The following WWOX variants were observed in gnomAD, a reference collection of about 807,000 sequenced individuals.
The protein encoded by WWOX is WW domain-containing oxidoreductase.
A neutral mutation model predicts 46.2 loss-of-function variants in WWOX; 69 were observed. That is an observed-to-expected ratio of 1.49 (90% CI 1.23 to 1.82). The LOEUF is 1.82. Ranked by LOEUF, WWOX falls within the 40% of genes most tolerant of loss-of-function variation. The pLI, the probability that WWOX is intolerant of heterozygous loss-of-function variation, is 0.00. For missense variants in WWOX, 919 were observed against 542.6 expected (o/e 1.69, Z -6.89); for synonymous variants, 359 against 202.6 (o/e 1.77, Z -6.56).
chr16:78,788,120 C>T (rs532866411), intron 8 of WWOX, among the ~76,000 whole-genome samples: 10 of 152,184 alleles, frequency 6.6e-5, no homozygotes, highest in African/African-American at 2.4e-4. Context: ...TTTATAGTGT[C>T]TTTTGATGAA....
At chr16:78,487,300 GT>G (rs2151456401) in intron 8 of WWOX, among the ~76,000 whole-genome samples, 1 of 151,920 alleles carries the variant, frequency 6.6e-6, no homozygotes, top group East Asian at 1.9e-4. Context: ...CAGAGATTTG[GT>G]TATTTTCCTC....
At chr16:78,985,255 T>G (rs2046762063) in intron 8 of WWOX, among the ~76,000 whole-genome samples, 1 of 152,350 alleles carries the variant, frequency 6.6e-6, no homozygotes, top group Admixed American at 6.5e-5. Context: ...GCACAAACGC[T>G]GTCTTCTGTC....
chr16:78,871,649 G>C (rs2044131127), intron 8 of WWOX, among the ~76,000 whole-genome samples: 1 of 152,188 alleles, frequency 6.6e-6, no homozygotes, highest in Non-Finnish European at 1.5e-5. Context: ...GCTCAGGCTG[G>C]AGTGCAGTAG....
At chr16:78,632,213 G>A (rs987131192) in intron 8 of WWOX, among the ~76,000 whole-genome samples, 1 of 152,114 alleles carries the variant, frequency 6.6e-6, no homozygotes, top group Non-Finnish European at 1.5e-5. Flanking sequence ...TTTCTGAGCT[G>A]TTTTTATATC....
chr16:78,905,615 A>G (rs1045728396), intron 8 of WWOX, among the ~76,000 whole-genome samples: 3 of 152,138 alleles, frequency 2.0e-5, no homozygotes, highest in Admixed American at 1.3e-4. Context: ...TCCGAGATGC[A>G]CGTGAATCTC....
chr16:78,471,376 G>A (rs1408822201), intron 8 of WWOX, among the ~76,000 whole-genome samples: 2 of 152,226 alleles, frequency 1.3e-5, no homozygotes, highest in East Asian at 3.9e-4. Flanking sequence ...CATTTGTCTG[G>A]TGGAATGTTT....
intron 8 of WWOX, chr16:78,890,584 C>G (rs2044568512): frequency 6.6e-6 from 1 of 152,128 alleles, no homozygotes; most frequent in Admixed American, 6.5e-5. Context: ...TCTCTTTTTG[C>G]CAGGGGAACA....
chr16:79,055,229 T>C (rs2048239627), intron 8 of WWOX, among the ~76,000 whole-genome samples: 1 of 152,160 alleles, frequency 6.6e-6, no homozygotes, highest in South Asian at 2.1e-4. Flanking sequence ...GTTATTTTGG[T>C]TTATATTGCT....
At chr16:79,183,200 C>A (rs1414540329) in intron 8 of WWOX, among the ~76,000 whole-genome samples, 1 of 152,184 alleles carries the variant, frequency 6.6e-6, no homozygotes, top group Non-Finnish European at 1.5e-5. Flanking sequence ...GCTAGCCTTG[C>A]CCACTGTCTG....
At chr16:78,265,189 C>T (rs192504322) in intron 5 of WWOX, among the ~76,000 whole-genome samples, 206 of 151,656 alleles carry the variant, frequency 1.4e-3, no homozygotes, top group African/African-American at 4.4e-3. Context: ...TTGGTAGAAA[C>T]GGGGTTTCAT....
At position 79,179,301 on chromosome 16, in the gene WWOX, C is replaced by G. The variant is rs73582795; in HGVS notation, c.1057-32307C>G. Among the ~76,000 whole-genome samples, 1,323 of 152,284 alleles carry G rather than the reference C, an allele frequency of 8.7e-3. 20 individuals carry two copies. The highest frequency in any genetic ancestry group is 0.031 in the African/African-American group (1,268 of 41,560). On this transcript the variant is annotated intron_variant, in intron 8 of 8. Transcript: ENST00000566780. ...CATAAAAACCGATTACAACATTTTT[C>G]CATTTTTATGTTTCCTCTGAAACCA...
rs552691068 is a variant in WWOX, at chr16:78,707,057, C to T, written c.1056+274305C>T. ...ATGGAATATTTTAAGCAGAAAAGAA[C>T]GTATTCCCCTTCAAGGACAAAGTGC... On this transcript the variant is annotated intron_variant, in intron 8 of 8. Coordinates refer to ENST00000566780, the MANE Select transcript of WWOX (RefSeq NM_016373.4). Among the ~76,000 whole-genome samples the T allele has an allele frequency of 7.9e-5, 12 of 152,300 alleles. No homozygotes were observed. In the South Asian group the frequency reaches 2.3e-3, roughly 29 times the overall value.
At chr16:78,752,111 G>C (rs776883201) in intron 8 of WWOX, among the ~76,000 whole-genome samples, 1 of 152,154 alleles carries the variant, frequency 6.6e-6, no homozygotes, top group African/African-American at 2.4e-5. Flanking sequence ...TAATCAGTCA[G>C]TTGTCTCAAT....
chr16:78,464,888 C>G lies in WWOX; in HGVS notation c.1056+32136C>G, dbSNP rs539932413. 5.9e-5 allele frequency among the ~76,000 whole-genome samples: 9 copies of G among 152,140 alleles called. No individual in the cohort carries two copies. The South Asian group carries it at 8.3e-4, about 14-fold the overall frequency. ...TCCCATACTTCTGTGAAGAAATACC[C>G]GAGACTGGGTAATTTATAAAGAAAA... On this transcript the variant is annotated intron_variant, in intron 8 of 8. Coordinates refer to ENST00000566780, the MANE Select transcript of WWOX (RefSeq NM_016373.4).
At chr16:78,647,221 G>A (rs2161620) in intron 8 of WWOX, among the ~76,000 whole-genome samples, 127,009 of 152,062 alleles carry the variant, frequency 0.84, 54,008 homozygotes, top group Middle Eastern at 0.93. Flanking sequence ...TGAGATCTCA[G>A]AACACATGGA....
At chr16:78,610,341 A>T (rs565764604) in intron 8 of WWOX, among the ~76,000 whole-genome samples, 2 of 152,330 alleles carry the variant, frequency 1.3e-5, no homozygotes, top group East Asian at 3.9e-4. Context: ...AAAAGATTCA[A>T]TTTCATTACT....
chr16:79,208,347 A>G (rs1257991276), intron 8 of WWOX, among the ~76,000 whole-genome samples: 3 of 151,362 alleles, frequency 2.0e-5, no homozygotes, highest in Non-Finnish European at 4.4e-5. Context: ...GCAACCATAT[A>G]CAACCTACAG....
At chr16:78,442,999 G>A (rs1296787644) in intron 8 of WWOX, among the ~76,000 whole-genome samples, 3 of 151,848 alleles carry the variant, frequency 2.0e-5, no homozygotes, top group Non-Finnish European at 2.9e-5. Context: ...GGTGGGGCGC[G>A]GTCGTGGGTG....
intron 8 of WWOX, among the ~76,000 whole-genome samples, chr16:78,781,924 C>A (rs73575603): frequency 6.6e-6 from 1 of 152,302 alleles, no homozygotes; most frequent in African/African-American, 2.4e-5. Context: ...AAAAACAACC[C>A]TGTAAAATAA....
Sources: gnomAD v4.1 joint callset for allele counts (sites outside exome capture counted in the v4.1 genomes callset) on GRCh38, gnomAD v4.1.1 for gene constraint, MANE v1.5 for transcripts, NCBI Gene and HGNC (gene_info 2026-07-23, HGNC 2026-07-21) for gene names.